RPGRIP1L: variants seen among roughly 807,000 people sequenced by gnomAD.
RPGRIP1L encodes protein fantom.
A neutral mutation model predicts 160.4 loss-of-function variants in RPGRIP1L; 131 were observed. That is an observed-to-expected ratio of 0.82 (90% confidence interval 0.71 to 0.94). The LOEUF (loss-of-function observed/expected upper bound fraction) is 0.94, where lower values mean the gene tolerates loss of function less well. Among genes scored for constraint, RPGRIP1L ranks in the 40% least tolerant of loss-of-function variants. The pLI is 0.00. For synonymous variants in RPGRIP1L, 510 were observed against 515.8 expected, an observed-to-expected ratio of 0.99 and a Z score of 0.15; for missense variants, 1,522 against 1,535.8, an observed-to-expected ratio of 0.99 and a Z score of 0.15.
chr16:53,620,237 A>C (rs1001401833), intron 23 of RPGRIP1L, among the ~76,000 whole-genome samples: 2 of 152,216 alleles, frequency 1.3e-5, no homozygotes, highest in Non-Finnish European at 2.9e-5. Flanking sequence ...ATAATTAATC[A>C]AATTGAAAAG....
intron 22 of RPGRIP1L, chr16:53,628,603 AAATAAT>A (rs1356346164): frequency 4.6e-5 from 7 of 152,302 alleles, no homozygotes; most frequent in South Asian, 2.1e-4. Context: ...TGATTATTTA[AAATAAT>A]AATAATAAGT....
At position 53,623,024 on chromosome 16, in the gene RPGRIP1L, CAAAA is replaced by C. The variant is rs1268669670; in HGVS notation, c.3295-672_3295-669del. 3.3e-5 allele frequency among the ~76,000 whole-genome samples: 5 copies of C among 151,794 alleles called. No homozygotes were observed. In the South Asian group the frequency reaches 8.3e-4, roughly 25 times the overall value. On this transcript the variant is annotated intron_variant, in intron 22 of 26. Coordinates refer to ENST00000647211, the MANE Select transcript of RPGRIP1L (RefSeq NM_015272.5). ...CCCTGTCTCAAAACAAAGAAACAAA[CAAAA>C]AAACCACTCAATGATTCACTGAATT...
intron 10 of RPGRIP1L, 36 bp from the exon 11 acceptor site, chr16:53,658,914 T>A: frequency 7.5e-7 from 1 of 1,337,250 alleles, no homozygotes; most frequent in Non-Finnish European, 1.1e-6. Context: ...GAAAGGTAAG[T>A]AAAAATCAGG....
chr16:53,625,563 T>TG (rs1256845977), intron 22 of RPGRIP1L, among the ~76,000 whole-genome samples: 50 of 127,908 alleles, frequency 3.9e-4, no homozygotes, highest in East Asian at 1.8e-3. Flanking sequence ...GTCTTGGGGG[T>TG]GGGGGGGCCC....
chr16:53,644,925 A>T (rs1268979123), intron 17 of RPGRIP1L, among the ~76,000 whole-genome samples: 1 of 152,194 alleles, frequency 6.6e-6, no homozygotes, highest in Non-Finnish European at 1.5e-5. Flanking sequence ...TTACATAGGT[A>T]ATTACAAAAC....
intron 17 of RPGRIP1L, among the ~76,000 whole-genome samples, chr16:53,642,622 G>T (rs928886381): frequency 6.6e-6 from 1 of 152,132 alleles, no homozygotes; most frequent in African/African-American, 2.4e-5. Flanking sequence ...AAGGAGTCTG[G>T]AAATTGATCA....
Position 53,692,101 on chromosome 16 carries a change from T to C in RPGRIP1L, c.494A>G (p.Asn165Ser), listed in dbSNP as rs749282106. 7 of 1,614,066 alleles carry C rather than the reference T, an allele frequency of 4.3e-6. No homozygotes were observed. The Admixed American group carries it at 1.0e-4, about 23-fold the overall frequency. Residue 165 changes from asparagine to serine, a missense_variant, in exon 4 of 27, where the codon AAT becomes AGT. Physicochemically the swap from Asn to Ser is conservative, Grantham distance 46. Transcript: ENST00000647211. ...GCATTCCTGTAAACCAGCATTTTCATTTGCTTTTCTACGCCCAGTGTTAAT... is the reference window on the plus strand; with the variant it reads ...GCATTCCTGTAAACCAGCATTTTCACTTGCTTTTCTACGCCCAGTGTTAAT... The part of the protein sequence containing the change: ...SRINTGRRKA[N>S]ENAGLQECPR...
intron 1 of RPGRIP1L, among the ~76,000 whole-genome samples, chr16:53,702,800 G>A (rs1471201415): frequency 2.0e-5 from 3 of 151,434 alleles, no homozygotes; most frequent in Middle Eastern, 3.2e-3. Context: ...CTACATGTGC[G>A]TGCCACCAAG....
At position 53,652,857 on chromosome 16, in the gene RPGRIP1L, A is replaced by T; in HGVS notation, c.1830T>A (p.His610Gln). 1 of 1,612,978 alleles carries T rather than the reference A, an allele frequency of 6.2e-7. No homozygotes were observed. Among genetic ancestry groups the T allele is most frequent in the African/African-American group, 1.3e-5 (1 of 74,912 alleles). Reference sequence around the variant, plus strand: ...CAGAAGAAAAGGTTACTTTGTTGATATGGATTTCAAATAGATTTTCGCCTC... The same window carrying T: ...CAGAAGAAAAGGTTACTTTGTTGATTTGGATTTCAAATAGATTTTCGCCTC... The part of the protein sequence containing the change: ...LERGENLFEI[H>Q]INKVTFSSEV... Residue 610 changes from histidine (H) to glutamine (Q), a missense_variant, in exon 15 of 27, where the codon CAT becomes CAA. Coordinates refer to ENST00000647211, the MANE Select transcript of RPGRIP1L (RefSeq NM_015272.5).
At chr16:53,695,008 G>C (rs537432987) in intron 3 of RPGRIP1L, 1 of 267,596 alleles carries the variant, frequency 3.7e-6, no homozygotes, top group East Asian at 7.0e-5. Context: ...GTGGCAGAGA[G>C]ATAACAGAAT....
rs142693651 is a variant in RPGRIP1L, at chr16:53,669,311, A to C, written c.1103+2199T>G. ...TTGCTGGGTTTTGTGCTTATGTTAC[A>C]TTAATTTTTCTTTTGACATTAAATG... On this transcript the variant is annotated intron_variant, in intron 9 of 26. Transcript: ENST00000647211. Among the ~76,000 whole-genome samples the C allele has an allele frequency of 1.9e-3, 293 of 152,252 alleles. 3 individuals carry two copies. The highest frequency in any genetic ancestry group is 4.9e-4 in the Non-Finnish European group (33 of 67,980).
chr16:53,696,286 G>GT lies in RPGRIP1L; in HGVS notation c.94dup (p.Thr32AsnfsTer17), dbSNP rs1288225757. 1 of 1,613,960 alleles carries GT rather than the reference G, an allele frequency of 6.2e-7. No homozygotes were observed. Among genetic ancestry groups the GT allele is most frequent in the Non-Finnish European group, 8.5e-7 (1 of 1,179,938 alleles). On this transcript the variant is annotated frameshift_variant, in exon 3 of 27. Coordinates refer to ENST00000647211, the MANE Select transcript of RPGRIP1L (RefSeq NM_015272.5). LOFTEE classifies it high-confidence loss of function. ...CTGGCGAGACTTCATTGTCCGTGTTGTTGAAGTTTCTGCAAAAATGCCAAG... is the reference window on the plus strand; with the variant it reads ...CTGGCGAGACTTCATTGTCCGTGTTGTTTGAAGTTTCTGCAAAAATGCCAAG...
intron 16 of RPGRIP1L, among the ~76,000 whole-genome samples, chr16:53,646,409 C>G (rs1966551881): frequency 6.6e-6 from 1 of 152,086 alleles, no homozygotes; most frequent in African/African-American, 2.4e-5. Flanking sequence ...GGTTGGCCCT[C>G]ATCCTGAAAC....
intron 9 of RPGRIP1L, among the ~76,000 whole-genome samples, chr16:53,666,519 G>C (rs1968262026): frequency 6.6e-6 from 1 of 150,974 alleles, no homozygotes; most frequent in South Asian, 2.1e-4. Flanking sequence ...TGGCCAAATT[G>C]TATATATCAA....
chr16:53,610,305 AG>A (rs1269240607), intron 25 of RPGRIP1L, among the ~76,000 whole-genome samples: 1 of 152,204 alleles, frequency 6.6e-6, no homozygotes, highest in African/African-American at 2.4e-5. Flanking sequence ...TATTTAAATT[AG>A]AAAAAAAATG....
chr16:53,620,090 T>A, intron 23 of RPGRIP1L, among the ~76,000 whole-genome samples: 1 of 152,174 alleles, frequency 6.6e-6, no homozygotes, highest in East Asian at 1.9e-4. Context: ...CTATAAATTA[T>A]ATAACTTCAA....
At chr16:53,698,846 G>A (rs769598890) in intron 2 of RPGRIP1L, among the ~76,000 whole-genome samples, 4 of 146,472 alleles carry the variant, frequency 2.7e-5, no homozygotes, top group Non-Finnish European at 1.5e-5. Flanking sequence ...CTACTGGGAA[G>A]TGAGGACCCC....
At chr16:53,609,470 C>T (rs978579288) in intron 25 of RPGRIP1L, among the ~76,000 whole-genome samples, 1 of 150,894 alleles carries the variant, frequency 6.6e-6, no homozygotes, top group Non-Finnish European at 1.5e-5. Context: ...AACACAAAAG[C>T]AGAACTTGAT....
intron 4 of RPGRIP1L, among the ~76,000 whole-genome samples, chr16:53,688,925 T>C (rs1305606870): frequency 6.6e-6 from 1 of 151,984 alleles, no homozygotes; most frequent in Non-Finnish European, 1.5e-5. Flanking sequence ...AATTTGCCAA[T>C]TGTATTATTT....
Sources: gnomAD v4.1 joint callset for allele counts (sites outside exome capture counted in the v4.1 genomes callset) on GRCh38, gnomAD v4.1.1 for gene constraint, MANE v1.5 for transcripts, NCBI Gene and HGNC (gene_info 2026-07-23, HGNC 2026-07-21) for gene names.